Variants in GSE1 observed in about 807,000 individuals in gnomAD.
The protein encoded by GSE1 is genetic suppressor element 1.
GSE1 carries 32 observed loss-of-function variants against 112.6 expected under a neutral mutation model. The ratio of observed to expected loss-of-function variants is 0.28; its 90% confidence interval spans 0.21 to 0.38. The LOEUF (loss-of-function observed/expected upper bound fraction) is 0.38. GSE1 is among the 10% of genes least tolerant of loss of function. The pLI, the probability that GSE1 is intolerant of heterozygous loss-of-function variation, is 1.00. For synonymous variants in GSE1, 1,115 were observed against 735.6 expected (o/e 1.52, Z -8.35); for missense variants, 2,348 against 1,699.2 (o/e 1.38, Z -6.71).
chr16:85,442,778 C>A (rs1199687147), intron 2 of GSE1, among the ~76,000 whole-genome samples: 1 of 152,192 alleles, frequency 6.6e-6, no homozygotes, highest in Non-Finnish European at 1.5e-5. Context: ...AACATATTAC[C>A]ACAAATGCCG....
chr16:85,203,771 T>C (rs1270887385), intron 1 of GSE1, among the ~76,000 whole-genome samples: 1 of 152,316 alleles, frequency 6.6e-6, no homozygotes, highest in East Asian at 1.9e-4. Flanking sequence ...AGGGTCTCAC[T>C]CTGTCGCCCA....
At chr16:85,269,812 G>C (rs1419759178) in intron 1 of GSE1, among the ~76,000 whole-genome samples, 1 of 149,280 alleles carries the variant, frequency 6.7e-6, no homozygotes, top group African/African-American at 2.4e-5. Flanking sequence ...ACCAGGCCCT[G>C]TCGAGAGAGG....
intron 1 of GSE1, among the ~76,000 whole-genome samples, chr16:85,206,321 G>A (rs2075115488): frequency 6.6e-6 from 1 of 152,142 alleles, no homozygotes; most frequent in Non-Finnish European, 1.5e-5. Flanking sequence ...AAGGGTGGGG[G>A]CACGGTGGAA....
intron 1 of GSE1, among the ~76,000 whole-genome samples, chr16:85,246,283 CTGTCT>C (rs1351399781): frequency 2.9e-5 from 4 of 138,268 alleles, no homozygotes; most frequent in Non-Finnish European, 6.3e-5. Flanking sequence ...ACCCCACACG[CTGTCT>C]ACACACACCC....
At chr16:85,194,869 A>AT (rs940133190) in intron 1 of GSE1, among the ~76,000 whole-genome samples, 23 of 151,436 alleles carry the variant, frequency 1.5e-4, no homozygotes, top group African/African-American at 4.1e-4. Flanking sequence ...AGGTCTGTGT[A>AT]TTTTTTTTTA....
intron 2 of GSE1, among the ~76,000 whole-genome samples, chr16:85,385,555 A>G (rs974245030): frequency 8.6e-5 from 13 of 151,976 alleles, no homozygotes; most frequent in Admixed American, 6.5e-5. Flanking sequence ...GCTGAGGTGG[A>G]ACCCTGGTGG....
In GSE1 at chr16:85,263,716, G is replaced by A. The variant is rs138462174; in HGVS notation, c.2283+91909G>A. On this transcript the variant is annotated intron_variant, in intron 1 of 2. Transcript: ENST00000637419. ...GCCTCCCAAGTAGCTGGGATTACAG[G>A]TGTGGGACACCACACCCAGCTAATT... 3.3e-3 allele frequency among the ~76,000 whole-genome samples: 504 copies of A among 152,122 alleles called. 5 individuals carry two copies. Among genetic ancestry groups the A allele is most frequent in the African/African-American group, 0.012 (480 of 41,500 alleles).
chr16:85,590,434 TGA>T (rs2046950288), intron 1 of GSE1, among the ~76,000 whole-genome samples: 1 of 151,462 alleles, frequency 6.6e-6, no homozygotes, highest in Admixed American at 6.6e-5. Context: ...CGCGTGTGAA[TGA>T]GTGTGAGCAT....
chr16:85,651,172 C>T (rs967739645), intron 3 of GSE1, among the ~76,000 whole-genome samples: 4 of 150,298 alleles, frequency 2.7e-5, no homozygotes, highest in South Asian at 2.1e-4. Context: ...CGCCCTGATG[C>T]GTCTGTCTGT....
At chr16:85,613,964 G>A (rs1015334840) in intron 1 of GSE1, among the ~76,000 whole-genome samples, 5 of 151,464 alleles carry the variant, frequency 3.3e-5, no homozygotes, top group South Asian at 2.1e-4. Flanking sequence ...TCGGGAGGGC[G>A]GGACCGCAGC....
intron 1 of GSE1, among the ~76,000 whole-genome samples, chr16:85,198,206 A>AGGGT (rs1275974459): frequency 6.6e-6 from 1 of 152,196 alleles, no homozygotes; most frequent in Non-Finnish European, 1.5e-5. Context: ...GAGGACCCAC[A>AGGGT]GGGTCACTGT....
chr16:85,262,491 A>G (rs1427027636), intron 1 of GSE1, among the ~76,000 whole-genome samples: 1 of 152,172 alleles, frequency 6.6e-6, no homozygotes, highest in Non-Finnish European at 1.5e-5. Flanking sequence ...GGGACTTCAG[A>G]GGAAGCATGC....
rs933789636 is a variant in GSE1 at position 85,311,485 on chromosome 16, C to G, written c.2284-45978C>G. On this transcript the variant is annotated intron_variant, in intron 1 of 2. Coordinates refer to the GSE1 transcript ENST00000637419. The surrounding 1 kb of genome is among the most constrained non-coding windows in gnomAD (Gnocchi z 4.2). ...ACGTGGGCGGAGCCCTCGGCTGCCT[C>G]CCACCGTGGGACATTGGGGAGGGAG... Among the ~76,000 whole-genome samples, 1 of 152,052 alleles carries G rather than the reference C, an allele frequency of 6.6e-6. No homozygotes were observed.
At chr16:85,245,767 G>T (rs1430245992) in intron 1 of GSE1, among the ~76,000 whole-genome samples, 1 of 152,070 alleles carries the variant, frequency 6.6e-6, no homozygotes, top group Non-Finnish European at 1.5e-5. Flanking sequence ...GGCACCGCCT[G>T]GGGGGTGCCT....
chr16:85,226,265 C>G (rs928227814), intron 1 of GSE1, among the ~76,000 whole-genome samples: 5 of 152,304 alleles, frequency 3.3e-5, no homozygotes, highest in African/African-American at 1.2e-4. Context: ...CTTGGTTTCC[C>G]AGGACCTCTT....
chr16:85,199,944 G>A (rs1767175074), intron 1 of GSE1, among the ~76,000 whole-genome samples: 2 of 152,076 alleles, frequency 1.3e-5, no homozygotes, highest in African/African-American at 4.8e-5. Context: ...GGACGAGGGG[G>A]ACACATGAAA....
chr16:85,655,962 C>G (rs368229951), intron 6 of GSE1, 45 bp downstream of exon 6: 36 of 1,480,656 alleles, frequency 2.4e-5, no homozygotes, highest in Non-Finnish European at 3.1e-5. Flanking sequence ...CTCCCTGTCC[C>G]TTGATGGCAG....
intron 2 of GSE1, among the ~76,000 whole-genome samples, chr16:85,515,128 C>G (rs1448453485): frequency 6.6e-6 from 1 of 152,120 alleles, no homozygotes; most frequent in African/African-American, 2.4e-5. Context: ...AGGAGGCAAT[C>G]TTGCTGCTCC....
At chr16:85,215,571 T>G (rs1270087042) in intron 1 of GSE1, among the ~76,000 whole-genome samples, 2 of 150,608 alleles carry the variant, frequency 1.3e-5, no homozygotes, top group Non-Finnish European at 3.0e-5. Flanking sequence ...TTTTAAAAAA[T>G]AATAATATCT....
Sources: gnomAD v4.1 joint callset for allele counts (sites outside exome capture counted in the v4.1 genomes callset) on GRCh38, gnomAD v4.1.1 for gene constraint, Gnocchi (gnomAD v3.1) non-coding constraint, MANE v1.5 for transcripts, NCBI Gene and HGNC (gene_info 2026-07-23, HGNC 2026-07-21) for gene names.